Variants in MDN1 observed in about 807,000 individuals in gnomAD.
MDN1 encodes midasin AAA ATPase 1, also known as midasin.
A neutral mutation model predicts 669.2 loss-of-function variants in MDN1; 266 were observed. The ratio of observed to expected loss-of-function variants is 0.40; its 90% confidence interval spans 0.36 to 0.44. MDN1 has a LOEUF of 0.44. Among genes scored for constraint, MDN1 ranks in the 20% least tolerant of loss-of-function variants. The probability of loss-of-function intolerance (pLI) is 1.00; values close to 1 mark genes in which losing one functional copy is unlikely to be tolerated. For synonymous variants in MDN1, 2,385 were observed against 2,457.1 expected (o/e 0.97, Z 0.87); for missense variants, 5,940 against 6,754.0 (o/e 0.88, Z 4.22).
intron 15 of MDN1, among the ~76,000 whole-genome samples, chr6:89,769,883 A>G (rs927610553): frequency 3.3e-5 from 5 of 152,200 alleles, no homozygotes; most frequent in Non-Finnish European, 7.3e-5. Flanking sequence ...GATCAATGCC[A>G]TTTATGTTAG....
chr6:89,658,225 T>C lies in MDN1; in HGVS notation c.15167A>G (p.Lys5056Arg), dbSNP rs1562043978. Residue 5056 changes from lysine (K) to arginine (R), a missense_variant, in exon 90 of 102, where the codon AAG (lysine) becomes AGG (arginine). Lys to Arg is a conservative substitution (Grantham distance 26). This residue lies in a region of MDN1 where 2,280 missense variants were observed against 2,576.3 expected (regional missense o/e 0.88). Transcript: ENST00000369393. Reference protein sequence around the residue: ...AMELAGAAPEKEQGKEEHGSG... With the variant: ...AMELAGAAPEREQGKEEHGSG... ...ACTGATCACCTCTTTCCCCTGCTCCTTCTCAGGTGCGGCCCCAGCCAGCTC... is the reference window on the plus strand; with the variant it reads ...ACTGATCACCTCTTTCCCCTGCTCCCTCTCAGGTGCGGCCCCAGCCAGCTC... 1 of 1,614,204 alleles carries C rather than the reference T, an allele frequency of 6.2e-7. No homozygotes were observed. Among genetic ancestry groups the C allele is most frequent in the East Asian group, 2.2e-5 (1 of 44,886 alleles).
In MDN1 at chr6:89,672,256, C is replaced by T. The variant is rs1266681737; in HGVS notation, c.13738G>A (p.Glu4580Lys). 4.3e-6 allele frequency: 7 copies of T among 1,611,868 alleles called. No individual in the cohort carries two copies. The highest frequency in any genetic ancestry group is 2.2e-5 in the South Asian group (2 of 90,350). The change falls in exon 82 of 102, where the codon GAG becomes AAG. Residue 4580 changes from glutamate to lysine, a missense_variant. Coordinates refer to ENST00000369393, the MANE Select transcript of MDN1 (RefSeq NM_014611.3). ...HVQKIISAIS[E>K]LLERLKSYGE... is the part of the protein sequence containing the mutation. ...TACGATTTCAGCCTCTCCAACAGCT[C>T]GGAGATGGCAGAAATTATTTTCTGC... is the stretch of plus-strand genomic sequence containing the variant.
rs969352467 is a variant in MDN1 at position 89,761,763 on chromosome 6, C to G, written c.2357-15G>C. The G allele has an allele frequency of 6.5e-7, 1 of 1,537,422 alleles. No individual in the cohort carries two copies. The highest frequency in any genetic ancestry group is 8.9e-7 in the Non-Finnish European group (1 of 1,117,544). ...TATGAGTAACCCTAAAAAAGAAAGA[C>G]AAGAATTCAGCACACATTTTGAATT... On this transcript the variant is annotated splice_polypyrimidine_tract_variant and intron_variant, in intron 16 of 101. Transcript: ENST00000369393.
intron 2 of MDN1, chr6:89,797,451 CTTG>C (rs1562230477): frequency 5.5e-6 from 1 of 181,616 alleles, no homozygotes; most frequent in African/African-American, 2.4e-5. Flanking sequence ...GGGTTCTGTT[CTTG>C]TGGTCGGCGG....
Position 89,776,588 on chromosome 6 carries a change from C to T in MDN1, c.1821+12G>A, listed in dbSNP as rs772860992. 6.3e-7 allele frequency: 1 copy of T among 1,591,112 alleles called. No homozygotes were observed. Among genetic ancestry groups the T allele is most frequent in the South Asian group, 1.1e-5 (1 of 89,166 alleles). ...TCCTTTCAACAGGGAAGTAAAAAAA[C>T]AGCACACATACCTTTTTTCTAGAAA... On this transcript the variant is annotated intron_variant, in intron 12 of 101. Transcript: ENST00000369393.
chr6:89,644,090 A>T lies in MDN1; in HGVS notation c.16706T>A (p.Leu5569His), dbSNP rs764943690. The T allele has an allele frequency of 6.2e-7, 1 of 1,614,140 alleles. No individual in the cohort carries two copies. Among genetic ancestry groups the T allele is most frequent in the South Asian group, 1.1e-5 (1 of 91,068 alleles). The part of the protein sequence containing the change: ...EEFPFPYYII[L>H]RDVNALPETL... ...CTCAGGAAGTGCGTTTACATCTCGA[A>T]GAATGATATAGTATGGGAATGGGAA... The change falls in exon 102 of 102, where the codon CTT (leucine) becomes CAT (histidine). Residue 5569 changes from leucine (L) to histidine (H), a missense_variant. By Grantham distance (99) the Leu-to-His change is moderately conservative (BLOSUM62 -3). Coordinates refer to ENST00000369393, the MANE Select transcript of MDN1 (RefSeq NM_014611.3).
chr6:89,817,918 A>C (rs1768951576), intron 1 of MDN1, among the ~76,000 whole-genome samples: 2 of 152,062 alleles, frequency 1.3e-5, no homozygotes, highest in African/African-American at 4.8e-5. Context: ...TGCTAGTAGC[A>C]CCCCCATAAT....
At position 89,712,703 on chromosome 6, in the gene MDN1, C is replaced by T. The variant is rs1466849385; in HGVS notation, c.7302G>A (p.Leu2434=). Residue 2434 remains leucine (L), a synonymous_variant, in exon 48 of 102, where the codon CTG becomes CTA. Transcript: ENST00000369393. ...GAGCTGAGGGCACAGAATCTGGCCA[C>T]AGTCCCATGCCAAGAATGGAGTCTC... ...TWGDSILGMG[L]WPDSVPSALF... is the part of the protein sequence containing the mutation. 6.2e-7 allele frequency: 1 copy of T among 1,614,136 alleles called. No homozygotes were observed. The highest frequency in any genetic ancestry group is 2.2e-5 in the East Asian group (1 of 44,882).
intron 95 of MDN1, among the ~76,000 whole-genome samples, chr6:89,651,991 T>C (rs906879846): frequency 6.6e-6 from 1 of 152,236 alleles, no homozygotes; most frequent in African/African-American, 2.4e-5. Context: ...ATTTCTGTTT[T>C]AATTAAGCTA....
rs754554593 is a variant in MDN1 at position 89,674,504 on chromosome 6, C to T, written c.12847G>A (p.Val4283Met). The stretch of plus-strand genomic sequence containing the variant: ...TGCAGGCGCTCTGTCCACTGCTGCA[C>T]GCCATCCTGAGGGGGGAAGGCCACG... ...YPVAFPPQDG[V>M]QQWTERLQHL... Residue 4283 changes from valine to methionine, a missense_variant, in exon 79 of 102, where the codon GTG (valine) becomes ATG (methionine). Transcript: ENST00000369393. The T allele has an allele frequency of 1.2e-5, 19 of 1,611,064 alleles. No homozygotes were observed. The highest frequency in any genetic ancestry group is 3.3e-5 in the South Asian group (3 of 91,044).
rs775583567 is a variant in MDN1, at chr6:89,685,985, C to T, written c.11573-12G>A. 2 of 1,608,010 alleles carry T rather than the reference C, an allele frequency of 1.2e-6. No homozygotes were observed. Among genetic ancestry groups the T allele is most frequent in the Admixed American group, 3.4e-5 (2 of 58,538 alleles). ...CATCTGTTTGTCATCTTTAAAAATT[C>T]AAAGAGAAAAATATATATGTTCCTT... On this transcript the variant is annotated splice_polypyrimidine_tract_variant and intron_variant, in intron 69 of 101. Coordinates refer to ENST00000369393, the MANE Select transcript of MDN1 (RefSeq NM_014611.3).
At chr6:89,744,301 A>T (rs1181513595) in intron 29 of MDN1, among the ~76,000 whole-genome samples, 1 of 152,064 alleles carries the variant, frequency 6.6e-6, no homozygotes, top group Non-Finnish European at 1.5e-5. Context: ...CATTCTTGCC[A>T]GGTACAGTGT....
chr6:89,661,524 G>A lies in MDN1; in HGVS notation c.14620C>T (p.Pro4874Ser). 6.2e-7 allele frequency: 1 copy of A among 1,614,096 alleles called. No individual in the cohort carries two copies. The highest frequency in any genetic ancestry group is 8.5e-7 in the Non-Finnish European group (1 of 1,180,002). ...GGAAGGTCCAAAGCCTCGGGTTCTG[G>A]CACCTTTTCCTGATTGCCATGGTAA... is the stretch of plus-strand genomic sequence containing the variant. ...DPYHGNQEKV[P>S]EPEALDLPDD... The change falls in exon 88 of 102, where the codon CCA becomes TCA. Residue 4874 changes from proline to serine, a missense_variant. This residue lies in a region of MDN1 where 2,280 missense variants were observed against 2,576.3 expected (regional missense o/e 0.88). Transcript: ENST00000369393.
intron 2 of MDN1, among the ~76,000 whole-genome samples, chr6:89,799,206 C>T (rs1767472135): frequency 6.6e-6 from 1 of 152,188 alleles, no homozygotes; most frequent in Non-Finnish European, 1.5e-5. Flanking sequence ...GCATGCTCCA[C>T]CACAACAATC....
Position 89,685,019 on chromosome 6 carries a change from A to G in MDN1, c.11720-34T>C, listed in dbSNP as rs777598302. The G allele has an allele frequency of 3.4e-6, 5 of 1,456,710 alleles. No homozygotes were observed. In the Admixed American group the frequency reaches 8.6e-5, roughly 25 times the overall value. The allele number at this position is 1,456,710 out of a possible 1,614,324, so 90.2% of individuals were successfully genotyped here. A position where few individuals can be genotyped will look rare whatever the true frequency, so the allele number is the denominator to read the frequency against. ...AATGAAAAGGAAACAAAAATACCACACTTGCTGCATGTGCTACTGGTGCCA... is the reference window on the plus strand; with the variant it reads ...AATGAAAAGGAAACAAAAATACCACGCTTGCTGCATGTGCTACTGGTGCCA... On this transcript the variant is annotated intron_variant, in intron 70 of 101. Transcript: ENST00000369393.
At position 89,781,475 on chromosome 6, in the gene MDN1, G is replaced by T. The variant is rs1818669542; in HGVS notation, c.1567C>A (p.Gln523Lys). 1 of 1,614,028 alleles carries T rather than the reference G, an allele frequency of 6.2e-7. No homozygotes were observed. ...SWSDSSVGCE[Q>K]APEEVSEARR... ...GCTTCTGAAACTTCTTCAGGTGCCT[G>T]TTCACATCCAACAGAACTATCACTC... The change falls in exon 10 of 102, where the codon CAG (glutamine) becomes AAG (lysine). Residue 523 changes from glutamine (Q) to lysine (K), a missense_variant. Around this residue, in one of 5 missense-constraint regions of MDN1, gnomAD observed 1,203 missense variants for 1,268.9 expected, o/e 0.95. Coordinates refer to ENST00000369393, the MANE Select transcript of MDN1 (RefSeq NM_014611.3).
At position 89,700,128 on chromosome 6, in the gene MDN1, C is replaced by G; in HGVS notation, c.8805G>C (p.Glu2935Asp). Residue 2935 changes from glutamate (E) to aspartate (D), a missense_variant, in exon 57 of 102, where the codon GAG becomes GAC. Physicochemically the swap from Glu to Asp is conservative, Grantham distance 45. This residue lies in a region of MDN1 where 2,292 missense variants were observed against 2,638.3 expected (regional missense o/e 0.87). Transcript: ENST00000369393. ...TGTACCGCCAAAGCATAGCCAGGTA[C>G]TCCATTGCAGGCCACAACTGAACAC... ...TRSVQLWPAMEYLAMLWRYKV... is the reference protein window; with the variant it reads ...TRSVQLWPAMDYLAMLWRYKV... 6.2e-7 allele frequency: 1 copy of G among 1,614,198 alleles called. No homozygotes were observed. Among genetic ancestry groups the G allele is most frequent in the South Asian group, 1.1e-5 (1 of 91,088 alleles).
chr6:89,650,279 A>C, intron 96 of MDN1, 81 bp from the exon 97 acceptor site: 2 of 1,321,992 alleles, frequency 1.5e-6, no homozygotes, highest in Admixed American at 4.5e-5. Context: ...AATCACAATA[A>C]TACCTTAAAA....
At chr6:89,705,846 T>C (rs556275110) in intron 53 of MDN1, among the ~76,000 whole-genome samples, 1 of 152,324 alleles carries the variant, frequency 6.6e-6, no homozygotes, top group African/African-American at 2.4e-5. Flanking sequence ...TCAAGACTTA[T>C]ACACTTTAAA....
Sources: allele counts gnomAD v4.1 joint callset (sites outside exome capture counted in the v4.1 genomes callset), GRCh38; gene constraint gnomAD v4.1.1; regional missense constraint gnomAD v4.1.1; transcripts MANE v1.5; gene names NCBI Gene and HGNC (gene_info 2026-07-23, HGNC 2026-07-21).